Variants in TPST1 observed in about 807,000 individuals in gnomAD.
The protein encoded by TPST1 is protein-tyrosine sulfotransferase 1.
In TPST1, 20 loss-of-function variants were observed where a neutral mutation model predicts 34.8. The observed-to-expected ratio is 0.57, with a 90% CI of 0.40 to 0.84. The LOEUF is 0.84. TPST1 is among the 40% of genes least tolerant of loss of function. TPST1 has a pLI of 0.00. For synonymous variants in TPST1, 152 were observed against 159.4 expected (o/e 0.95, Z 0.35); for missense variants, 353 against 455.5 (o/e 0.78, Z 2.05).
chr7:66,237,200 A>G (rs1027378829), intron 1 of TPST1, among the ~76,000 whole-genome samples: 3 of 151,978 alleles, frequency 2.0e-5, no homozygotes, highest in Admixed American at 1.3e-4. Context: ...CCCCACTCCA[A>G]ACTCAGTGAA....
chr7:66,298,801 A>G (rs960558477), intron 3 of TPST1, among the ~76,000 whole-genome samples: 1 of 151,972 alleles, frequency 6.6e-6, no homozygotes, highest in African/African-American at 2.4e-5. Context: ...ACTGTAAGAC[A>G]TGGGCTGCAC....
At chr7:66,295,349 G>A (rs1158657437) in intron 3 of TPST1, among the ~76,000 whole-genome samples, 1 of 152,102 alleles carries the variant, frequency 6.6e-6, no homozygotes. Context: ...ACAAAAGTTA[G>A]CCAGGTGTGG....
chr7:66,214,570 CT>C (rs1418578053), intron 1 of TPST1, among the ~76,000 whole-genome samples: 1 of 151,528 alleles, frequency 6.6e-6, no homozygotes, highest in Non-Finnish European at 1.5e-5. Context: ...AATTCCAGCA[CT>C]TTGGGAGGCT....
chr7:66,358,028 A>G (rs778731), intron 5 of TPST1, among the ~76,000 whole-genome samples: 70,209 of 151,844 alleles, frequency 0.46, 16,292 homozygotes, highest in East Asian at 0.64. Context: ...ATGTTACAGT[A>G]AGCCGAAATC....
chr7:66,348,917 C>A (rs1792409741), intron 3 of TPST1, among the ~76,000 whole-genome samples: 1 of 152,100 alleles, frequency 6.6e-6, no homozygotes, highest in African/African-American at 2.4e-5. Context: ...ATTACAGTAA[C>A]ATCGCATACC....
At chr7:66,354,948 A>G (rs1792554525) in intron 4 of TPST1, among the ~76,000 whole-genome samples, 2 of 151,712 alleles carry the variant, frequency 1.3e-5, no homozygotes, top group African/African-American at 4.8e-5. Flanking sequence ...AGCCGAGATC[A>G]CACCACTGCA....
At chr7:66,215,082 GTC>G (rs1296783630) in intron 1 of TPST1, among the ~76,000 whole-genome samples, 1 of 147,424 alleles carries the variant, frequency 6.8e-6, no homozygotes, top group Non-Finnish European at 1.5e-5. Flanking sequence ...TTGAGATGGA[GTC>G]TCTCTCTGTC....
At chr7:66,298,898 T>C (rs1479053949) in intron 3 of TPST1, among the ~76,000 whole-genome samples, 2 of 151,718 alleles carry the variant, frequency 1.3e-5, no homozygotes, top group East Asian at 1.9e-4. Flanking sequence ...CTGAGGCAGG[T>C]GGATCACAAG....
intron 1 of TPST1, among the ~76,000 whole-genome samples, chr7:66,230,824 G>A (rs935675669): frequency 1.3e-5 from 2 of 152,184 alleles, no homozygotes; most frequent in Non-Finnish European, 2.9e-5. Flanking sequence ...GTAGAGCCGA[G>A]TGGTCTGTTT....
chr7:66,356,950 A>C (rs1002580751), intron 5 of TPST1, 79 bp downstream of exon 5: 2 of 1,444,722 alleles, frequency 1.4e-6, no homozygotes, highest in Middle Eastern at 1.8e-4. Flanking sequence ...CAAGGTGGAG[A>C]GCACAGCTCT....
At chr7:66,230,836 G>T (rs199853557) in intron 1 of TPST1, among the ~76,000 whole-genome samples, 5 of 152,144 alleles carry the variant, frequency 3.3e-5, no homozygotes, top group Non-Finnish European at 7.3e-5. Context: ...GGTCTGTTTT[G>T]ACAGGGCGCT....
chr7:66,300,068 TAA>T (rs527463876), intron 3 of TPST1, among the ~76,000 whole-genome samples: 1 of 149,266 alleles, frequency 6.7e-6, no homozygotes, highest in African/African-American at 2.5e-5. Flanking sequence ...ACTTTATTGC[TAA>T]AAAAAAAATG....
chr7:66,234,762 C>T (rs1170934518), intron 1 of TPST1, among the ~76,000 whole-genome samples: 2 of 152,136 alleles, frequency 1.3e-5, no homozygotes, highest in Non-Finnish European at 2.9e-5. Context: ...CTGCAAGCTC[C>T]ACCTCCCGGG....
intron 3 of TPST1, among the ~76,000 whole-genome samples, chr7:66,297,553 G>A (rs1469665361): frequency 6.6e-6 from 1 of 152,174 alleles, no homozygotes; most frequent in African/African-American, 2.4e-5. Context: ...GAGCTGAAAA[G>A]CAGATCCAAT....
At chr7:66,357,191 G>A (rs1290472838) in intron 5 of TPST1, among the ~76,000 whole-genome samples, 1 of 152,178 alleles carries the variant, frequency 6.6e-6, no homozygotes, top group Non-Finnish European at 1.5e-5. Context: ...AAAGGGACCT[G>A]GAGGCCATCA....
intron 1 of TPST1, among the ~76,000 whole-genome samples, chr7:66,215,914 A>G (rs1178661855): frequency 6.6e-6 from 1 of 150,828 alleles, no homozygotes; most frequent in Non-Finnish European, 1.5e-5. Context: ...CTGGGACTAC[A>G]GGCGCCCGCC....
intron 1 of TPST1, among the ~76,000 whole-genome samples, chr7:66,214,344 A>G (rs187490129): frequency 1.3e-5 from 2 of 151,448 alleles, no homozygotes; most frequent in Admixed American, 1.3e-4. Context: ...AATATATACT[A>G]TTACCCTATA....
intron 3 of TPST1, among the ~76,000 whole-genome samples, chr7:66,314,437 C>T (rs1791593710): frequency 1.3e-5 from 2 of 152,126 alleles, no homozygotes; most frequent in Admixed American, 6.5e-5. Context: ...TGTCTGAGCC[C>T]AGGATGTCAA....
At chr7:66,255,367 A>G (rs1186511577) in intron 2 of TPST1, among the ~76,000 whole-genome samples, 2 of 152,144 alleles carry the variant, frequency 1.3e-5, no homozygotes, top group African/African-American at 4.8e-5. Context: ...CAGCTGTGCC[A>G]AGGTTGAGAA....
Sources: gnomAD v4.1 joint callset for allele counts (sites outside exome capture counted in the v4.1 genomes callset) on GRCh38, gnomAD v4.1.1 for gene constraint, MANE v1.5 for transcripts, NCBI Gene and HGNC (gene_info 2026-07-23, HGNC 2026-07-21) for gene names.